HUWE1: variants seen among roughly 807,000 people sequenced by gnomAD.
The protein encoded by HUWE1 is HECT, UBA and WWE domain containing E3 ubiquitin protein ligase 1.
Under a neutral mutation model 299.4 loss-of-function variants are expected in HUWE1, and 18 were observed. The observed-to-expected ratio is 0.06, with a 90% confidence interval of 0.04 to 0.09. The LOEUF is 0.09. Ranked by LOEUF, HUWE1 falls within the 10% of genes least tolerant of loss-of-function variation. The pLI, the probability that HUWE1 is intolerant of heterozygous loss-of-function variation, is 1.00. For synonymous variants in HUWE1, 1,317 were observed against 1,286.1 expected, an observed-to-expected ratio of 1.02 and a Z score of -0.51; for missense variants, 1,832 against 3,462.3, an observed-to-expected ratio of 0.53 and a Z score of 11.82.
At chrX:53,581,893 T>A (rs1334282130) in intron 42 of HUWE1, among the ~76,000 whole-genome samples, 2 of 111,885 alleles carry the variant, frequency 1.8e-5, no homozygotes, top group Non-Finnish European at 1.9e-5. Context: ...TATATATGCA[T>A]CTTGGTATAC....
intron 74 of HUWE1, 83 bp downstream of exon 74, chrX:53,542,360 A>G: frequency 1.5e-6 from 1 of 658,363 alleles, no homozygotes; most frequent in East Asian, 3.2e-5. Flanking sequence ...GGGCTTATAT[A>G]TGCTGGGAGC....
rs1006264092 is a variant in HUWE1, at chrX:53,632,707, G to A, written c.568-143C>T. 3 of 494,570 alleles carry A rather than the reference G, an allele frequency of 6.1e-6. No homozygotes were observed. In the African/African-American group the frequency reaches 7.0e-5, roughly 12 times the overall value. The allele number at this position is 494,570 out of a possible 1,213,427, so 40.8% of individuals were successfully genotyped here. ...AAGCAGTACATTCAGTACCTACAGTGCCTTTAACTGTTTGTCTTAGAGCAG... is the reference window on the plus strand; with the variant it reads ...AAGCAGTACATTCAGTACCTACAGTACCTTTAACTGTTTGTCTTAGAGCAG... On this transcript the variant is annotated intron_variant, in intron 8 of 83. Coordinates refer to ENST00000262854, the MANE Select transcript of HUWE1 (RefSeq NM_031407.7).
Position 53,600,873 on chromosome X carries a change from TTGTTAAATG to T in HUWE1, c.2972-573_2972-565del, listed in dbSNP as rs782472969. On this transcript the variant is annotated intron_variant, in intron 28 of 83. Coordinates refer to ENST00000262854, the MANE Select transcript of HUWE1 (RefSeq NM_031407.7). ...AAACTGTGGAGAAGCTGAGTCGTTT[TTGTTAAATG>T]TGTTAAATTGCTAGAAAAAATATAT... Among the ~76,000 whole-genome samples, 26 of 112,609 alleles carry T rather than the reference TTGTTAAATG, an allele frequency of 2.3e-4. No homozygotes were observed. The Admixed American group carries it at 2.3e-3, about 10-fold the overall frequency.
chrX:53,588,393 G>A lies in HUWE1; in HGVS notation c.4603C>T (p.Leu1535=). The A allele has an allele frequency of 8.3e-7, 1 of 1,209,240 alleles. No homozygotes were observed. The highest frequency in any genetic ancestry group is 1.8e-5 in the South Asian group (1 of 56,622). The change falls in exon 37 of 84, where the codon CTA becomes TTA. Residue 1535 remains leucine (L), a synonymous_variant. Transcript: ENST00000262854. ...GATCTAAATCTTACCTCAAAAAGTA[G>A]CGTTAAAAGCAAGATTCTAGTAGCC... ...NLATRILLLT[L]LFEELKLPCA...
At chrX:53,579,167 C>A (rs868906239) in intron 43 of HUWE1, among the ~76,000 whole-genome samples, 2 of 54,248 alleles carry the variant, frequency 3.7e-5, no homozygotes, top group African/African-American at 1.5e-4. Context: ...ACCCCTCTGC[C>A]CGGCCAGCCG....
At position 53,536,159 on chromosome X, in the gene HUWE1, G is replaced by C. The variant is rs782019798; in HGVS notation, c.12519C>G (p.Thr4173=). ...TTTCCTGACCTACCTCAGTGCTGAA[G>C]GTGAGGTCATAGCCTAGTGTGGAGA... The part of the protein sequence containing the change: ...NDVSTLGYDL[T]FSTEVQEFGV... The change falls in exon 80 of 84, where the codon ACC becomes ACG. Residue 4173 remains threonine (T), a synonymous_variant. Coordinates refer to ENST00000262854, the MANE Select transcript of HUWE1 (RefSeq NM_031407.7). 2.5e-6 allele frequency: 3 copies of C among 1,180,781 alleles called. No homozygotes were observed. Among genetic ancestry groups the C allele is most frequent in the Non-Finnish European group, 2.3e-6 (2 of 869,437 alleles).
chrX:53,557,175 GAGA>G (rs782719446), intron 60 of HUWE1: 19 of 547,451 alleles, frequency 3.5e-5, no homozygotes, highest in African/African-American at 3.4e-4. Flanking sequence ...GAGCCAGTCG[GAGA>G]AGAAGTGTAC....
rs2149027386 is a variant in HUWE1, at chrX:53,628,779, C to T, written c.1087G>A (p.Val363Ile). ...ASYHGFLPVL[V>I]RNCIQAMIDP... ...ATCATGGCCTGGATACAGTTCCTTA[C>T]AAGCACTGGCAAAAATCCATGGTAG... The change falls in exon 14 of 84, where the codon GTA (valine) becomes ATA (isoleucine). Residue 363 changes from valine (V) to isoleucine (I), a missense_variant. Coordinates refer to ENST00000262854, the MANE Select transcript of HUWE1 (RefSeq NM_031407.7). 8.3e-7 allele frequency: 1 copy of T among 1,211,518 alleles called. No homozygotes were observed. The highest frequency in any genetic ancestry group is 1.1e-6 in the Non-Finnish European group (1 of 895,130).
rs34154526 is a variant in HUWE1, at chrX:53,539,320, TA to T, written c.11633-241del. Among the ~76,000 whole-genome samples, 703 of 52,819 alleles carry T rather than the reference TA, an allele frequency of 0.013. 4 individuals carry two copies. Among genetic ancestry groups the T allele is most frequent in the Admixed American group, 0.019 (71 of 3,656 alleles). 45.9% of individuals were successfully genotyped at this position (52,819 alleles called of 115,157 possible). A position where few individuals can be genotyped will look rare whatever the true frequency, so the allele number is the denominator to read the frequency against. On this transcript the variant is annotated intron_variant, in intron 75 of 83. Transcript: ENST00000262854. ...ACATAGTGAGACCTCATTTCTGATT[TA>T]AAAAAAAAAAAAAAAAAAAAAAAGA... is the stretch of plus-strand genomic sequence containing the variant.
At chrX:53,596,786 T>C (rs1470997908) in intron 29 of HUWE1, among the ~76,000 whole-genome samples, 1 of 112,547 alleles carries the variant, frequency 8.9e-6, no homozygotes, top group Middle Eastern at 4.2e-3. Context: ...ACGTTGGAAG[T>C]GCTCCCAAGA....
chrX:53,625,076 C>T, intron 18 of HUWE1, 81 bp downstream of exon 18: 4 of 638,135 alleles, frequency 6.3e-6, no homozygotes, highest in Non-Finnish European at 1.1e-5. Flanking sequence ...TGTAAAACAA[C>T]AGGTGCCAGA....
chrX:53,626,656 G>A (rs1233259605), intron 17 of HUWE1, among the ~76,000 whole-genome samples: 4 of 111,689 alleles, frequency 3.6e-5, no homozygotes, highest in Non-Finnish European at 3.8e-5. Flanking sequence ...GAATAACTGA[G>A]TATAAGATAC....
intron 7 of HUWE1, among the ~76,000 whole-genome samples, chrX:53,634,933 T>C (rs181726108): frequency 2.0e-4 from 23 of 112,398 alleles, no homozygotes; most frequent in African/African-American, 7.4e-4. Context: ...ACTTACTAAC[T>C]AGCCTGCATC....
At chrX:53,542,629 A>G (rs992550684) in intron 73 of HUWE1, 90 bp from the exon 74 acceptor site, 3 of 617,211 alleles carry the variant, frequency 4.9e-6, no homozygotes, top group Non-Finnish European at 5.5e-6. Context: ...CTTCTCATAC[A>G]TTGAGCTTGC....
Position 53,626,820 on chromosome X carries a change from C to T in HUWE1, c.1489+590G>A, listed in dbSNP as rs186240274. On this transcript the variant is annotated intron_variant, in intron 17 of 83. Coordinates refer to ENST00000262854, the MANE Select transcript of HUWE1 (RefSeq NM_031407.7). ...TAGCCGGGACCACAGGTGCATGCCA[C>T]CCCACCCGGCTAAGTTTTGTATTTT... is the stretch of plus-strand genomic sequence containing the variant. Among the ~76,000 whole-genome samples the T allele has an allele frequency of 2.5e-4, 28 of 111,666 alleles. 1 individual carries two copies. Among genetic ancestry groups the T allele is most frequent in the Admixed American group, 2.3e-3 (24 of 10,575 alleles).
In HUWE1 at chrX:53,533,013, T is replaced by A. The variant is rs1248264353; in HGVS notation, c.*296A>T. On this transcript the variant is annotated 3_prime_UTR_variant, in exon 84 of 84. Transcript: ENST00000262854. ...ACACAGAATCTGAGGAGCACACTGTTCAAACAGTTGGGACAGACAGGTCCC... is the reference window on the plus strand; with the variant it reads ...ACACAGAATCTGAGGAGCACACTGTACAAACAGTTGGGACAGACAGGTCCC... The A allele has an allele frequency of 3.7e-5, 11 of 299,713 alleles. No individual in the cohort carries two copies. The highest frequency in any genetic ancestry group is 3.0e-4 in the African/African-American group (11 of 37,244). 24.7% of individuals were successfully genotyped at this position (299,713 alleles called of 1,213,427 possible).
intron 18 of HUWE1, 70 bp downstream of exon 18, chrX:53,625,087 A>ATAGTATGAAAAGAACCAATCT: frequency 1.5e-6 from 1 of 681,137 alleles, no homozygotes; most frequent in East Asian, 3.2e-5. Flanking sequence ...AGGTGCCAGA[A>ATAGTATGAAAAGAACCAATCT]TAGTATGAAA....
chrX:53,550,010 C>T (rs1400849683), intron 66 of HUWE1, among the ~76,000 whole-genome samples: 1 of 110,598 alleles, frequency 9.0e-6, no homozygotes, highest in African/African-American at 3.3e-5. Context: ...CCTCAGCCTC[C>T]CAAAGTGCTG....
chrX:53,661,802 A>G (rs1449179459), intron 3 of HUWE1, among the ~76,000 whole-genome samples: 1 of 111,100 alleles, frequency 9.0e-6, no homozygotes, highest in East Asian at 2.8e-4. Context: ...TTTATCTAAT[A>G]TTTTTTTTCA....
Sources: gnomAD v4.1 joint callset for allele counts (sites outside exome capture counted in the v4.1 genomes callset) on GRCh38, gnomAD v4.1.1 for gene constraint, MANE v1.5 for transcripts, NCBI Gene and HGNC (gene_info 2026-07-23, HGNC 2026-07-21) for gene names.